The following MUSK variants were observed in gnomAD, a reference collection of about 807,000 sequenced individuals.
MUSK encodes the protein muscle associated receptor tyrosine kinase, also known as muscle, skeletal receptor tyrosine-protein kinase.
A neutral mutation model predicts 88.7 loss-of-function variants in MUSK; 55 were observed. The observed-to-expected ratio is 0.62, with a 90% confidence interval of 0.50 to 0.78. MUSK has a LOEUF of 0.78. MUSK is among the 30% of genes least tolerant of loss of function. The probability of loss-of-function intolerance (pLI) is 0.00; values close to 1 mark genes in which losing one functional copy is unlikely to be tolerated. For missense variants in MUSK, 1,015 were observed against 1,074.3 expected, an observed-to-expected ratio of 0.94 and a Z score of 0.77; for synonymous variants, 387 against 391.9, an observed-to-expected ratio of 0.99 and a Z score of 0.15.
chr9:110,696,746 G>A (rs935012183), intron 4 of MUSK, among the ~76,000 whole-genome samples: 5 of 152,180 alleles, frequency 3.3e-5, no homozygotes, highest in East Asian at 3.9e-4. Context: ...CTCTTCTAAA[G>A]ATACCATCTA....
chr9:110,728,730 C>A, intron 5 of MUSK: 1 of 1,559,724 alleles, frequency 6.4e-7, no homozygotes, highest in Non-Finnish European at 8.6e-7. Context: ...ATTTTTTTTT[C>A]TTTCTGCATG....
chr9:110,798,810 G>A (rs182489018), intron 14 of MUSK, among the ~76,000 whole-genome samples: 284 of 152,096 alleles, frequency 1.9e-3, no homozygotes, highest in African/African-American at 6.5e-3. Context: ...ATATATAATT[G>A]TAAATTATAT....
intron 6 of MUSK, 142 bp downstream of exon 6, chr9:110,734,517 C>T: frequency 9.2e-7 from 1 of 1,086,558 alleles, no homozygotes. Flanking sequence ...ATATCTTTGT[C>T]CTAGAAGCCA....
intron 5 of MUSK, among the ~76,000 whole-genome samples, chr9:110,703,946 T>C (rs2131745888): frequency 6.6e-6 from 1 of 152,240 alleles, no homozygotes; most frequent in Non-Finnish European, 1.5e-5. Flanking sequence ...AGTCAAATCA[T>C]AAGGAAACAT....
intron 1 of MUSK, among the ~76,000 whole-genome samples, chr9:110,671,732 C>T (rs923961868): frequency 6.6e-6 from 1 of 152,150 alleles, no homozygotes; most frequent in East Asian, 1.9e-4. Context: ...CAATGTTCCA[C>T]TGGATAATTG....
At chr9:110,749,420 A>C (rs2077219867) in intron 7 of MUSK, among the ~76,000 whole-genome samples, 1 of 152,202 alleles carries the variant, frequency 6.6e-6, no homozygotes, top group East Asian at 1.9e-4. Flanking sequence ...AAACCTGTTC[A>C]AAAAACAGCA....
At position 110,805,891 on chromosome 9, in the gene MUSK, A is replaced by G. The variant is rs1276560195; in HGVS notation, c.*4903A>G. On this transcript the variant is annotated 3_prime_UTR_variant, in exon 15 of 15. Transcript: ENST00000374448. ...ATTTTCATCTCTGTTAGAGTTTTGT[A>G]TTGGCATTAGCATTTGTATTAGCAT... 6.6e-6 allele frequency among the ~76,000 whole-genome samples: 1 copy of G among 151,966 alleles called. No homozygotes were observed. The highest frequency in any genetic ancestry group is 2.4e-5 in the African/African-American group (1 of 41,432).
At chr9:110,726,442 A>G (rs2131818781) in intron 5 of MUSK, among the ~76,000 whole-genome samples, 1 of 152,248 alleles carries the variant, frequency 6.6e-6, no homozygotes, top group Admixed American at 6.5e-5. Flanking sequence ...AGTAGAGTTC[A>G]AGTATAGTCC....
intron 5 of MUSK, among the ~76,000 whole-genome samples, chr9:110,717,740 T>C (rs1006279228): frequency 6.6e-6 from 1 of 151,056 alleles, no homozygotes; most frequent in African/African-American, 2.5e-5. Context: ...TTGACAGATA[T>C]TTTCCCTCAG....
At position 110,806,453 on chromosome 9, in the gene MUSK, T is replaced by C. The variant is rs1467154515; in HGVS notation, c.*5465T>C. The stretch of plus-strand genomic sequence containing the variant: ...TATGTTCATTTCTATGAATCTGTAA[T>C]ATTTGCATTTTGTTCTGGAACAAAT... On this transcript the variant is annotated 3_prime_UTR_variant, in exon 15 of 15. Transcript: ENST00000374448. 6.6e-5 allele frequency among the ~76,000 whole-genome samples: 10 copies of C among 152,186 alleles called. No homozygotes were observed. The highest frequency in any genetic ancestry group is 1.0e-4 in the Non-Finnish European group (7 of 68,022).
chr9:110,783,440 C>G (rs2077797229), intron 11 of MUSK, among the ~76,000 whole-genome samples: 1 of 151,904 alleles, frequency 6.6e-6, no homozygotes, highest in Non-Finnish European at 1.5e-5. Context: ...TTTTCTAATG[C>G]TTCAAATTTG....
At chr9:110,696,207 G>A (rs1337654846) in intron 4 of MUSK, among the ~76,000 whole-genome samples, 1 of 151,846 alleles carries the variant, frequency 6.6e-6, no homozygotes, top group Non-Finnish European at 1.5e-5. Flanking sequence ...AACCCGAGAG[G>A]CAGAGGTTGC....
At chr9:110,689,589 T>A (rs1200478807) in intron 3 of MUSK, among the ~76,000 whole-genome samples, 3 of 104,476 alleles carry the variant, frequency 2.9e-5, no homozygotes, top group Non-Finnish European at 5.1e-5. Flanking sequence ...TTTTACTACA[T>A]AATATATAAC....
intron 6 of MUSK, among the ~76,000 whole-genome samples, chr9:110,743,960 C>CT (rs869252095): frequency 3.5e-3 from 506 of 143,964 alleles, no homozygotes; most frequent in Middle Eastern, 0.011. Context: ...GGGCAACATC[C>CT]TTTTTTTTTT....
At chr9:110,677,541 T>C (rs1410652686) in intron 1 of MUSK, among the ~76,000 whole-genome samples, 5 of 152,182 alleles carry the variant, frequency 3.3e-5, no homozygotes, top group Admixed American at 3.3e-4. Flanking sequence ...CTCTTCATTC[T>C]CCCACCCATC....
Position 110,787,674 on chromosome 9 carries a change from T to A in MUSK, c.1779-16T>A. On this transcript the variant is annotated splice_polypyrimidine_tract_variant and intron_variant, in intron 13 of 14. Transcript: ENST00000374448. ...CCATGATCTTTGGTTTCTTTTTCAA[T>A]AAATGTATCTCTCAGGGCACCAGGC... The A allele has an allele frequency of 1.2e-6, 2 of 1,609,238 alleles. No individual in the cohort carries two copies. The highest frequency in any genetic ancestry group is 1.7e-6 in the Non-Finnish European group (2 of 1,178,416).
intron 5 of MUSK, among the ~76,000 whole-genome samples, chr9:110,723,368 G>A (rs901507422): frequency 3.9e-5 from 6 of 151,902 alleles, no homozygotes; most frequent in Admixed American, 1.3e-4. Context: ...AGTAACTCAG[G>A]AATGGAAAAC....
Position 110,669,369 on chromosome 9 carries a change from T to A in MUSK, c.79+386T>A, listed in dbSNP as rs2075928401. On this transcript the variant is annotated intron_variant, in intron 1 of 14. Transcript: ENST00000374448. ...TTTGCCAGGAATAGAATCAACCCCATTCTCAGACATCCAGAGCATTTGCTT... is the reference window on the plus strand; with the variant it reads ...TTTGCCAGGAATAGAATCAACCCCAATCTCAGACATCCAGAGCATTTGCTT... Among the ~76,000 whole-genome samples the A allele has an allele frequency of 2.0e-5, 3 of 152,168 alleles. No homozygotes were observed. In the South Asian group the frequency reaches 6.2e-4, roughly 31 times the overall value.
intron 7 of MUSK, among the ~76,000 whole-genome samples, chr9:110,755,979 C>CGTATATATATATACGTAT (rs111630775): frequency 9.8e-6 from 1 of 102,518 alleles, no homozygotes; most frequent in East Asian, 4.1e-4. Context: ...TATATATATA[C>CGTATATATATATACGTAT]ATATATATAT....
Sources: allele counts gnomAD v4.1 joint callset (sites outside exome capture counted in the v4.1 genomes callset), GRCh38; gene constraint gnomAD v4.1.1; transcripts MANE v1.5; gene names NCBI Gene and HGNC (gene_info 2026-07-23, HGNC 2026-07-21).